The following PUM3 variants were observed in gnomAD, a reference collection of about 807,000 sequenced individuals.
The protein encoded by PUM3 is pumilio RNA binding family member 3.
Under a neutral mutation model 84.0 loss-of-function variants are expected in PUM3, and 91 were observed. That is an observed-to-expected ratio of 1.08 (90% CI 0.91 to 1.29). The LOEUF is 1.29. PUM3 is among the 50% of genes most tolerant of loss of function. The pLI is 0.00. For synonymous variants in PUM3, 321 were observed against 266.7 expected (o/e 1.20, Z -1.98); for missense variants, 1,067 against 767.5 (o/e 1.39, Z -4.61).
At chr9:2,819,706 G>C (rs1821547644) in intron 13 of PUM3, among the ~76,000 whole-genome samples, 1 of 152,086 alleles carries the variant, frequency 6.6e-6, no homozygotes, top group Non-Finnish European at 1.5e-5. Context: ...ATATCACTTT[G>C]CTAATTTTCC....
intron 1 of PUM3, among the ~76,000 whole-genome samples, chr9:2,842,339 C>T (rs1026798623): frequency 5.3e-5 from 8 of 152,160 alleles, no homozygotes; most frequent in African/African-American, 1.9e-4. Context: ...TATTTCATGT[C>T]ATTTCCATGC....
intron 13 of PUM3, among the ~76,000 whole-genome samples, chr9:2,815,188 C>T (rs1821446637): frequency 6.6e-6 from 1 of 152,018 alleles, no homozygotes; most frequent in African/African-American, 2.4e-5. Context: ...AACAATTTTA[C>T]AAAAAACTAA....
At chr9:2,834,009 A>C in intron 4 of PUM3, 22 bp downstream of exon 4, 3 of 1,609,662 alleles carry the variant, frequency 1.9e-6, no homozygotes, top group Non-Finnish European at 2.5e-6. Flanking sequence ...GGACTAACAA[A>C]GGCATCTTTA....
chr9:2,816,574 T>C (rs981253701), intron 13 of PUM3, among the ~76,000 whole-genome samples: 14 of 152,166 alleles, frequency 9.2e-5, no homozygotes, highest in Admixed American at 9.2e-4. Flanking sequence ...GAGCTCACAC[T>C]GCCAGGGACT....
In PUM3 at chr9:2,830,998, T is replaced by C. The variant is rs779379304; in HGVS notation, c.641A>G (p.Tyr214Cys). The stretch of plus-strand genomic sequence containing the variant: ...AAATTTCTTAACAATATTTCTCGAA[T>C]ATTTGGCTTTACTTAACTCAACCAA... ...DDLVELSKAK[Y>C]SRNIVKKFLM... Residue 214 changes from tyrosine to cysteine, a missense_variant, in exon 7 of 18, where the codon TAT becomes TGT. By Grantham distance (194) the Tyr-to-Cys change is radical. Coordinates refer to ENST00000397885, the MANE Select transcript of PUM3 (RefSeq NM_014878.5). 6.7e-7 allele frequency: 1 copy of C among 1,491,898 alleles called. No individual in the cohort carries two copies. The highest frequency in any genetic ancestry group is 9.3e-7 in the Non-Finnish European group (1 of 1,074,966). 92.4% of individuals were successfully genotyped at this position (1,491,898 alleles called of 1,614,324 possible).
rs1289946956 is a variant in PUM3 at position 2,812,207 on chromosome 9, T to C, written c.1412+13A>G. The C allele has an allele frequency of 5.6e-6, 9 of 1,611,362 alleles. No individual in the cohort carries two copies. The highest frequency in any genetic ancestry group is 2.2e-5 in the East Asian group (1 of 44,856). Reference sequence around the variant, plus strand: ...GAGGAATAAAGAAGTCAAGCCATTCTACTTGGTTTTACCTGTGTGCATTTC... The same window carrying C: ...GAGGAATAAAGAAGTCAAGCCATTCCACTTGGTTTTACCTGTGTGCATTTC... On this transcript the variant is annotated intron_variant, in intron 14 of 17. Transcript: ENST00000397885.
chr9:2,832,676 T>C (rs368412732), intron 5 of PUM3, among the ~76,000 whole-genome samples: 1 of 152,178 alleles, frequency 6.6e-6, no homozygotes, highest in East Asian at 1.9e-4. Flanking sequence ...AAAAAGATCC[T>C]GCTGAATTTA....
intron 13 of PUM3, among the ~76,000 whole-genome samples, chr9:2,816,821 A>T (rs189325022): frequency 9.8e-4 from 149 of 152,352 alleles, no homozygotes; most frequent in Non-Finnish European, 1.8e-3. Context: ...TGACTAGAAG[A>T]TCACTATCTG....
intron 16 of PUM3, among the ~76,000 whole-genome samples, chr9:2,808,635 A>C (rs1255963738): frequency 6.6e-6 from 1 of 152,224 alleles, no homozygotes; most frequent in Non-Finnish European, 1.5e-5. Flanking sequence ...CCTGAATGTA[A>C]GGACTCTTTA....
intron 12 of PUM3, among the ~76,000 whole-genome samples, chr9:2,822,984 C>T (rs1035061705): frequency 7.3e-5 from 11 of 151,490 alleles, no homozygotes; most frequent in Admixed American, 7.2e-4. Context: ...GAAGTATTCC[C>T]CAGATGCTAG....
intron 17 of PUM3, 117 bp from the exon 18 acceptor site, chr9:2,804,580 A>G: frequency 1.1e-6 from 1 of 900,680 alleles, no homozygotes; most frequent in South Asian, 2.3e-5. Flanking sequence ...AACTATATAC[A>G]CATTATTTTT....
intron 8 of PUM3, 64 bp downstream of exon 8, chr9:2,829,710 C>T (rs1815919623): frequency 5.0e-6 from 7 of 1,393,350 alleles, no homozygotes; most frequent in East Asian, 2.3e-5. Context: ...TATAGGGCAC[C>T]GGAAGTTAAG....
intron 17 of PUM3, 45 bp from the exon 18 acceptor site, chr9:2,804,508 A>G: frequency 6.3e-7 from 1 of 1,582,934 alleles, no homozygotes. Flanking sequence ...TTCCTAGATC[A>G]TCTCCAATAC....
chr9:2,838,344 T>C, intron 2 of PUM3, 82 bp downstream of exon 2: 1 of 908,740 alleles, frequency 1.1e-6, no homozygotes, highest in Non-Finnish European at 1.8e-6. Flanking sequence ...TCCTAGCCAA[T>C]GAATACAGAT....
At chr9:2,836,033 G>A (rs1816112307) in intron 3 of PUM3, among the ~76,000 whole-genome samples, 1 of 152,100 alleles carries the variant, frequency 6.6e-6, no homozygotes, top group East Asian at 1.9e-4. Flanking sequence ...CTGGCAATTG[G>A]GGAGGAGGAA....
At chr9:2,809,603 T>G (rs1211735535) in intron 16 of PUM3, among the ~76,000 whole-genome samples, 1 of 152,154 alleles carries the variant, frequency 6.6e-6, no homozygotes, top group Non-Finnish European at 1.5e-5. Context: ...GATCTGTCAC[T>G]TTTTTCCAGA....
chr9:2,823,968 A>G (rs1307097446), intron 11 of PUM3, 134 bp from the exon 12 acceptor site: 1 of 510,708 alleles, frequency 2.0e-6, no homozygotes, highest in Non-Finnish European at 3.4e-6. Flanking sequence ...AATAATAGTT[A>G]TACAGCCAGA....
At chr9:2,839,657 T>G (rs1051473211) in intron 1 of PUM3, among the ~76,000 whole-genome samples, 2 of 152,192 alleles carry the variant, frequency 1.3e-5, no homozygotes, top group African/African-American at 4.8e-5. Context: ...ACTTTTCTAA[T>G]GATTTTGAAA....
intron 9 of PUM3, chr9:2,828,329 C>A (rs1815878887): frequency 9.8e-6 from 2 of 203,326 alleles, no homozygotes; most frequent in Non-Finnish European, 9.7e-6. Context: ...GCGTGAGCCA[C>A]TGTACCTTGC....
Sources: gnomAD v4.1 joint callset for allele counts (sites outside exome capture counted in the v4.1 genomes callset) on GRCh38, gnomAD v4.1.1 for gene constraint, MANE v1.5 for transcripts, NCBI Gene and HGNC (gene_info 2026-07-23, HGNC 2026-07-21) for gene names.